The following RELCH variants were observed in gnomAD, a reference collection of about 807,000 sequenced individuals.
RELCH encodes the protein RAB11-binding protein RELCH.
Under a neutral mutation model 150.3 loss-of-function variants are expected in RELCH, and 41 were observed. That is an observed-to-expected ratio of 0.27 (90% CI 0.21 to 0.35). The LOEUF (loss-of-function observed/expected upper bound fraction) is 0.35, where lower values mean the gene tolerates loss of function less well. Ranked by LOEUF, RELCH falls within the 10% of genes least tolerant of loss-of-function variation. The pLI is 1.00. For synonymous variants in RELCH, 478 were observed against 531.8 expected, an observed-to-expected ratio of 0.90 and a Z score of 1.39; for missense variants, 1,092 against 1,467.8, an observed-to-expected ratio of 0.74 and a Z score of 4.18.
At chr18:62,281,616 T>C (rs2044521641) in intron 24 of RELCH, among the ~76,000 whole-genome samples, 1 of 152,240 alleles carries the variant, frequency 6.6e-6, no homozygotes, top group African/African-American at 2.4e-5. Context: ...ATATTGGATA[T>C]GTCCTTATAC....
chr18:62,243,229 A>G (rs1273860520), intron 10 of RELCH, among the ~76,000 whole-genome samples: 2 of 152,056 alleles, frequency 1.3e-5, no homozygotes, highest in African/African-American at 4.8e-5. Context: ...GCTATTAATG[A>G]TCTCCTACCC....
intron 1 of RELCH, among the ~76,000 whole-genome samples, chr18:62,198,169 A>G (rs144504188): frequency 1.8e-4 from 28 of 152,350 alleles, no homozygotes; most frequent in African/African-American, 6.7e-4. Context: ...CAAAATTAGG[A>G]TAGTCACATC....
At chr18:62,249,107 G>T (rs2042570271) in intron 11 of RELCH, among the ~76,000 whole-genome samples, 1 of 152,086 alleles carries the variant, frequency 6.6e-6, no homozygotes, top group South Asian at 2.1e-4. Flanking sequence ...CAAAATAATA[G>T]AATTGTACTT....
intron 11 of RELCH, chr18:62,247,003 C>A (rs1018121063): frequency 6.6e-6 from 1 of 152,180 alleles, no homozygotes; most frequent in Non-Finnish European, 1.5e-5. Context: ...AAATTATCAT[C>A]ATTGTCAAGA....
intron 12 of RELCH, among the ~76,000 whole-genome samples, chr18:62,254,499 T>A (rs1345128303): frequency 1.4e-5 from 1 of 70,586 alleles, no homozygotes; most frequent in African/African-American, 4.5e-5. Flanking sequence ...CAGCCATACG[T>A]TGACATTCAA....
intron 2 of RELCH, among the ~76,000 whole-genome samples, chr18:62,212,702 T>C (rs2040243896): frequency 6.6e-6 from 1 of 152,216 alleles, no homozygotes; most frequent in African/African-American, 2.4e-5. Context: ...AGAGAAATTA[T>C]GTAAGACTTA....
intron 1 of RELCH, among the ~76,000 whole-genome samples, chr18:62,196,057 C>G (rs974768393): frequency 5.3e-5 from 8 of 152,114 alleles, no homozygotes; most frequent in Non-Finnish European, 1.5e-5. Flanking sequence ...ATATATCTAA[C>G]TATGCTCGGT....
In RELCH at chr18:62,309,900, T is replaced by C. The variant is rs913811910; in HGVS notation, c.*4366T>C. The C allele has an allele frequency of 6.6e-6, 1 of 152,216 alleles. No homozygotes were observed. The highest frequency in any genetic ancestry group is 1.5e-5 in the Non-Finnish European group (1 of 68,030). 9.4% of individuals were successfully genotyped at this position (152,216 alleles called of 1,614,324 possible). On this transcript the variant is annotated 3_prime_UTR_variant, in exon 29 of 29. Coordinates refer to ENST00000644646, the MANE Select transcript of RELCH (RefSeq NM_001346231.2). ...ATTAAATTCTTGGTCAGTGATCTTT[T>C]TAGGGTGTCATTTGTTGATAGTAAT...
Position 62,305,693 on chromosome 18 carries a change from C to T in RELCH, c.*159C>T. 4.5e-6 allele frequency: 3 copies of T among 659,930 alleles called. No homozygotes were observed. The highest frequency in any genetic ancestry group is 4.5e-6 in the Non-Finnish European group (2 of 440,564). 40.9% of individuals were successfully genotyped at this position (659,930 alleles called of 1,614,324 possible). ...ATATTTGCACTGCTTTTAATTACTG[C>T]TGTATATTTGTTGATTTTGGAGTTA... On this transcript the variant is annotated 3_prime_UTR_variant, in exon 29 of 29. Transcript: ENST00000644646. This position sits in a 1 kb window ranked among gnomAD's most constrained non-coding sequence, Gnocchi z 4.0.
At chr18:62,228,250 G>A in intron 7 of RELCH, 55 bp from the exon 8 acceptor site, 2 of 1,392,656 alleles carry the variant, frequency 1.4e-6, no homozygotes, top group Non-Finnish European at 2.0e-6. Context: ...ATTTATGCTA[G>A]TTTTCAAAAA....
chr18:62,305,314 C>T lies in RELCH; in HGVS notation c.3531-100C>T, dbSNP rs370827111. Reference sequence around the variant, plus strand: ...ATAAATATTAGTTTCCCTTTTGTGACGCCAATTCAGAGTGTGTTCGTTAAT... The same window carrying T: ...ATAAATATTAGTTTCCCTTTTGTGATGCCAATTCAGAGTGTGTTCGTTAAT... On this transcript the variant is annotated intron_variant, in intron 28 of 28. Coordinates refer to ENST00000644646, the MANE Select transcript of RELCH (RefSeq NM_001346231.2). The surrounding 1 kb of genome is among the most constrained non-coding windows in gnomAD (Gnocchi z 4.0). 6.9e-5 allele frequency: 70 copies of T among 1,011,910 alleles called. No homozygotes were observed. Among genetic ancestry groups the T allele is most frequent in the East Asian group, 6.4e-4 (23 of 36,012 alleles). The allele number at this position is 1,011,910 out of a possible 1,614,324, so 62.7% of individuals were successfully genotyped here.
At chr18:62,230,435 AT>A (rs1170887161) in intron 8 of RELCH, among the ~76,000 whole-genome samples, 1 of 152,124 alleles carries the variant, frequency 6.6e-6, no homozygotes, top group Non-Finnish European at 1.5e-5. Flanking sequence ...AATCATAGAA[AT>A]TACTGAGCTC....
intron 5 of RELCH, among the ~76,000 whole-genome samples, chr18:62,224,370 A>G (rs747427806): frequency 6.6e-6 from 1 of 152,192 alleles, no homozygotes. Context: ...GATGGAAACA[A>G]GAACATTTAT....
intron 8 of RELCH, among the ~76,000 whole-genome samples, chr18:62,229,305 A>C (rs1220743362): frequency 1.3e-5 from 2 of 152,078 alleles, no homozygotes; most frequent in Non-Finnish European, 2.9e-5. Context: ...TTTCAGCCAC[A>C]AGGTCATACT....
chr18:62,198,829 C>T (rs2039226608), intron 1 of RELCH, among the ~76,000 whole-genome samples: 2 of 152,012 alleles, frequency 1.3e-5, no homozygotes, highest in South Asian at 2.1e-4. Flanking sequence ...AATTTATAAA[C>T]CTCACTAGGA....
At chr18:62,258,141 A>G (rs1340139344) in intron 14 of RELCH, 53 bp downstream of exon 14, 4 of 1,413,836 alleles carry the variant, frequency 2.8e-6, no homozygotes, top group Non-Finnish European at 2.9e-6. Context: ...TCCAAGTATT[A>G]TAATATTCCA....
At chr18:62,241,813 G>GATTT (rs2042161953) in intron 10 of RELCH, among the ~76,000 whole-genome samples, 1 of 152,052 alleles carries the variant, frequency 6.6e-6, no homozygotes, top group South Asian at 2.1e-4. Context: ...TTCTGGTGTG[G>GATTT]ATTTATTAGT....
chr18:62,199,411 T>C (rs149910249), intron 1 of RELCH, among the ~76,000 whole-genome samples: 68 of 152,342 alleles, frequency 4.5e-4, no homozygotes, highest in East Asian at 2.3e-3. Context: ...GGTCTTATAT[T>C]GTCCTCTTTC....
chr18:62,190,298 G>T (rs1300400081), intron 1 of RELCH, among the ~76,000 whole-genome samples: 4 of 152,262 alleles, frequency 2.6e-5, no homozygotes, highest in Admixed American at 2.6e-4. Context: ...CAGAACATCG[G>T]CAGGGTGCAG....
Sources: allele counts gnomAD v4.1 joint callset (sites outside exome capture counted in the v4.1 genomes callset), GRCh38; gene constraint gnomAD v4.1.1; non-coding constraint Gnocchi (gnomAD v3.1); transcripts MANE v1.5; gene names NCBI Gene and HGNC (gene_info 2026-07-23, HGNC 2026-07-21).